The following ABCB4 variants were observed in gnomAD, a reference collection of about 807,000 sequenced individuals.
ABCB4 encodes the protein ATP binding cassette subfamily B member 4.
A neutral mutation model predicts 145.7 loss-of-function variants in ABCB4; 76 were observed. That is an observed-to-expected ratio of 0.52 (90% CI 0.43 to 0.63). ABCB4 has a LOEUF of 0.63. Among genes scored for constraint, ABCB4 ranks in the 30% least tolerant of loss-of-function variants. The pLI is 0.00. For synonymous variants in ABCB4, 517 were observed against 566.8 expected (o/e 0.91, Z 1.25); for missense variants, 1,234 against 1,553.1 (o/e 0.79, Z 3.45).
At chr7:87,385,033 TC>T in the ABCB4 span, among the ~76,000 whole-genome samples, 1 of 152,208 alleles carries the variant, frequency 6.6e-6, no homozygotes, top group East Asian at 1.9e-4. Context: ...GGTTCTCTAT[TC>T]TGTTCCATTG....
At chr7:87,473,581 C>A (rs541344550) in intron 2 of ABCB4, among the ~76,000 whole-genome samples, 1 of 152,264 alleles carries the variant, frequency 6.6e-6, no homozygotes, top group South Asian at 2.1e-4. Flanking sequence ...AAAGTACTCC[C>A]CTTTTGTACT....
At chr7:87,391,471 C>T in the ABCB4 span, 11,414 of 916,860 alleles carry the variant, frequency 0.012, 129 homozygotes, top group Non-Finnish European at 0.013. Context: ...AGTCTCCAAC[C>T]TATCTGTGTT....
chr7:87,406,074 T>G, intron 26 of ABCB4: 1 of 601,916 alleles, frequency 1.7e-6, no homozygotes. Flanking sequence ...ACCTGAAGTA[T>G]GGTGGTTTTG....
the ABCB4 span, among the ~76,000 whole-genome samples, chr7:87,384,399 G>T: frequency 6.6e-6 from 1 of 152,110 alleles, no homozygotes; most frequent in African/African-American, 2.4e-5. Context: ...TGATGTAGGG[G>T]CACATATCTG....
At chr7:87,452,677 C>T (rs1479200857) in intron 6 of ABCB4, 5 of 514,598 alleles carry the variant, frequency 9.7e-6, no homozygotes, top group South Asian at 4.3e-5. Flanking sequence ...GCACCTGTCA[C>T]GTCCTGCAGT....
Position 87,453,889 on chromosome 7 carries a change from C to T in ABCB4, c.344+646G>A, listed in dbSNP as rs1811934703. 3.3e-5 allele frequency among the ~76,000 whole-genome samples: 5 copies of T among 151,938 alleles called. No individual in the cohort carries two copies. The South Asian group carries it at 1.0e-3, about 32-fold the overall frequency. On this transcript the variant is annotated intron_variant, in intron 5 of 27. Coordinates refer to ENST00000649586, the MANE Select transcript of ABCB4 (RefSeq NM_000443.4). The stretch of plus-strand genomic sequence containing the variant: ...CTTTCCATATTGATTTTTCCACATT[C>T]TTTATAAAAAGAACCAAAAAACTTT...
intron 3 of ABCB4, among the ~76,000 whole-genome samples, chr7:87,471,218 G>A (rs1459940821): frequency 1.3e-5 from 2 of 151,902 alleles, no homozygotes. Context: ...CCTATTGTGG[G>A]GTGGGGGGAT....
intron 3 of ABCB4, among the ~76,000 whole-genome samples, chr7:87,464,939 C>T (rs1169588255): frequency 6.6e-6 from 1 of 152,162 alleles, no homozygotes. Context: ...TCAACAGCTC[C>T]CAGTGCAAGT....
intron 14 of ABCB4, among the ~76,000 whole-genome samples, chr7:87,435,417 T>C (rs1810545273): frequency 1.3e-5 from 2 of 152,232 alleles, no homozygotes; most frequent in African/African-American, 4.8e-5. Flanking sequence ...TAACTTGTTT[T>C]GACAAAGAAA....
At chr7:87,378,362 A>G in the ABCB4 span, among the ~76,000 whole-genome samples, 1 of 150,388 alleles carries the variant, frequency 6.6e-6, no homozygotes, top group Non-Finnish European at 1.5e-5. Context: ...AAAAAAAAAA[A>G]GGGTTCAGTA....
intron 26 of ABCB4, 85 bp downstream of exon 26, chr7:87,406,203 T>C: frequency 2.2e-6 from 3 of 1,373,532 alleles, no homozygotes; most frequent in Non-Finnish European, 3.1e-6. Context: ...ACATATTTTG[T>C]TACAAGATTT....
At chr7:87,431,289 C>T (rs921295793) in intron 15 of ABCB4, 115 bp downstream of exon 15, 2 of 1,329,330 alleles carry the variant, frequency 1.5e-6, no homozygotes, top group Non-Finnish European at 2.1e-6. Flanking sequence ...CACTTTTAGG[C>T]ATCTTGTTGA....
chr7:87,426,640 C>T, intron 16 of ABCB4, 110 bp downstream of exon 16: 2 of 1,094,818 alleles, frequency 1.8e-6, no homozygotes, highest in Non-Finnish European at 2.7e-6. Context: ...AAGAGTATGG[C>T]TCATAGTAGC....
At chr7:87,471,977 G>T (rs889736843) in intron 3 of ABCB4, among the ~76,000 whole-genome samples, 1 of 152,162 alleles carries the variant, frequency 6.6e-6, no homozygotes, top group African/African-American at 2.4e-5. Context: ...TGGGGTGGGG[G>T]TCTGTGAAGC....
At chr7:87,399,511 A>T (rs906884108), downstream of ABCB4, 1 of 152,246 alleles carries the variant, frequency 6.6e-6, no homozygotes, top group African/African-American at 2.4e-5. Context: ...TCTTTTGAAC[A>T]AACAGACAAA....
Position 87,409,194 on chromosome 7 carries a change from G to A in ABCB4, c.3081+42C>T, listed in dbSNP as rs1365798420. ...ATAATCTAGCAGACAGCAAACCTTA[G>A]GGAAAAATTGATCAAGCATCATCAG... On this transcript the variant is annotated intron_variant, in intron 24 of 27. Transcript: ENST00000649586. 2.5e-6 allele frequency: 4 copies of A among 1,612,446 alleles called. No homozygotes were observed. The Admixed American group carries it at 6.7e-5, about 27-fold the overall frequency.
the ABCB4 span, among the ~76,000 whole-genome samples, chr7:87,372,094 C>T: frequency 2.0e-5 from 3 of 150,878 alleles, no homozygotes; most frequent in Non-Finnish European, 4.4e-5. Context: ...GCATATCCCT[C>T]ATTACAAGTG....
At chr7:87,379,420 T>A in the ABCB4 span, among the ~76,000 whole-genome samples, 11 of 152,348 alleles carry the variant, frequency 7.2e-5, no homozygotes, top group South Asian at 2.3e-3. Flanking sequence ...TATATTGTTA[T>A]ATAAGAGTAA....
At chr7:87,404,873 G>T (rs547392668) in intron 26 of ABCB4, among the ~76,000 whole-genome samples, 1 of 152,316 alleles carries the variant, frequency 6.6e-6, no homozygotes, top group African/African-American at 2.4e-5. Context: ...AACAGTAAAT[G>T]CTGGCAAAGA....
Sources: allele counts gnomAD v4.1 joint callset (sites outside exome capture counted in the v4.1 genomes callset), GRCh38; gene constraint gnomAD v4.1.1; transcripts MANE v1.5; gene names NCBI Gene and HGNC (gene_info 2026-07-23, HGNC 2026-07-21).